VPS13B: variants seen among roughly 807,000 people sequenced by gnomAD.
VPS13B encodes vacuolar protein sorting 13 homolog B, also known as intermembrane lipid transfer protein VPS13B.
A neutral mutation model predicts 426.4 loss-of-function variants in VPS13B; 285 were observed. That is an observed-to-expected ratio of 0.67 (90% CI 0.61 to 0.74). VPS13B has a LOEUF of 0.74. Ranked by LOEUF, VPS13B falls within the 30% of genes least tolerant of loss-of-function variation. VPS13B has a pLI of 0.00. For missense variants in VPS13B, 4,537 were observed against 4,782.6 expected, an observed-to-expected ratio of 0.95 and a Z score of 1.51; for synonymous variants, 1,676 against 1,676.4, an observed-to-expected ratio of 1.00 and a Z score of 0.01.
At chr8:99,331,691 G>A (rs552033339) in intron 19 of VPS13B, among the ~76,000 whole-genome samples, 5 of 151,808 alleles carry the variant, frequency 3.3e-5, no homozygotes, top group South Asian at 4.2e-4. Context: ...TTCTTAGTAC[G>A]TTTTGACTTT....
chr8:99,119,851 G>A (rs948000004), intron 7 of VPS13B, among the ~76,000 whole-genome samples: 1 of 151,916 alleles, frequency 6.6e-6, no homozygotes, highest in African/African-American at 2.4e-5. Context: ...GAATATGCTG[G>A]AGACTAATTT....
At chr8:99,864,413 C>G (rs933801237) in intron 58 of VPS13B, among the ~76,000 whole-genome samples, 1 of 152,034 alleles carries the variant, frequency 6.6e-6, no homozygotes, top group Non-Finnish European at 1.5e-5. Flanking sequence ...CAAAAATTAG[C>G]CAGGCATGGT....
chr8:99,499,021 A>C (rs574452966), intron 25 of VPS13B, among the ~76,000 whole-genome samples: 1 of 152,168 alleles, frequency 6.6e-6, no homozygotes, highest in Non-Finnish European at 1.5e-5. Flanking sequence ...GAAGCAGGCC[A>C]AGGATGAAGG....
intron 36 of VPS13B, among the ~76,000 whole-genome samples, chr8:99,705,102 A>T (rs1438759677): frequency 6.6e-6 from 1 of 152,100 alleles, no homozygotes; most frequent in Non-Finnish European, 1.5e-5. Flanking sequence ...CTATTACTTT[A>T]TAACAAGGTT....
At chr8:99,181,264 GAA>G (rs1275652700) in intron 16 of VPS13B, among the ~76,000 whole-genome samples, 12 of 152,144 alleles carry the variant, frequency 7.9e-5, no homozygotes, top group Admixed American at 7.9e-4. Context: ...AATATCGAGT[GAA>G]AAAAGGTCAC....
intron 35 of VPS13B, among the ~76,000 whole-genome samples, chr8:99,676,023 G>T (rs1482868475): frequency 6.6e-6 from 1 of 151,860 alleles, no homozygotes; most frequent in African/African-American, 2.4e-5. Context: ...TATTCTTGTG[G>T]TCATGCATCA....
chr8:99,044,964 A>T (rs1397173704), intron 3 of VPS13B, among the ~76,000 whole-genome samples: 1 of 132,844 alleles, frequency 7.5e-6, no homozygotes, highest in Non-Finnish European at 1.6e-5. Context: ...TTGGTTCCAC[A>T]TTTTTGCAAT....
intron 17 of VPS13B, chr8:99,241,004 A>G (rs1006548780): frequency 6.6e-6 from 1 of 152,260 alleles, no homozygotes; most frequent in African/African-American, 2.4e-5. Context: ...TGCAGAGGAT[A>G]CAAAATTACC....
rs554160027 is a variant in VPS13B, at chr8:99,542,808, G to A, written c.4746-13642G>A. On this transcript the variant is annotated intron_variant, in intron 30 of 61. Transcript: ENST00000357162. The stretch of plus-strand genomic sequence containing the variant: ...TCCCTCAATTTTATTTGTAAAACAG[G>A]GATGATAATACTACCTACCTCATAG... Among the ~76,000 whole-genome samples, 11 of 152,158 alleles carry A rather than the reference G, an allele frequency of 7.2e-5. No homozygotes were observed. The South Asian group carries it at 2.3e-3, about 32-fold the overall frequency.
At chr8:99,095,362 T>TA (rs1846364655) in intron 3 of VPS13B, among the ~76,000 whole-genome samples, 2 of 152,196 alleles carry the variant, frequency 1.3e-5, no homozygotes, top group African/African-American at 4.8e-5. Flanking sequence ...ACGTGCTACA[T>TA]ACGTTGATAC....
At chr8:99,380,199 A>T (rs1168926189) in intron 19 of VPS13B, among the ~76,000 whole-genome samples, 1 of 152,170 alleles carries the variant, frequency 6.6e-6, no homozygotes, top group African/African-American at 2.4e-5. Context: ...AATTGTTTGA[A>T]AACTGGATAT....
chr8:99,312,573 C>A (rs952757869), intron 19 of VPS13B, among the ~76,000 whole-genome samples: 5 of 152,300 alleles, frequency 3.3e-5, no homozygotes, highest in South Asian at 2.1e-4. Flanking sequence ...TGTGGGTAAC[C>A]GGACCTTTCT....
At chr8:99,022,794 A>C (rs1841961284) in intron 2 of VPS13B, among the ~76,000 whole-genome samples, 1 of 152,052 alleles carries the variant, frequency 6.6e-6, no homozygotes, top group Non-Finnish European at 1.5e-5. Flanking sequence ...TTATGTTATT[A>C]AGTGTATACA....
chr8:99,268,996 T>C (rs1421893308), intron 17 of VPS13B, among the ~76,000 whole-genome samples: 1 of 152,060 alleles, frequency 6.6e-6, no homozygotes, highest in East Asian at 1.9e-4. Flanking sequence ...AAGGGGCTTT[T>C]CCCCCTTTGC....
intron 30 of VPS13B, among the ~76,000 whole-genome samples, chr8:99,535,837 T>C (rs1823181876): frequency 6.6e-6 from 1 of 152,210 alleles, no homozygotes; most frequent in African/African-American, 2.4e-5. Context: ...TATCAATGTT[T>C]ACATTGTGAA....
intron 29 of VPS13B, among the ~76,000 whole-genome samples, chr8:99,512,386 A>G (rs1241843839): frequency 6.6e-6 from 1 of 152,262 alleles, no homozygotes; most frequent in Non-Finnish European, 1.5e-5. Context: ...TTGCAAAGGT[A>G]ATGACCTTTA....
chr8:99,680,865 G>A lies in VPS13B; in HGVS notation c.6047-18660G>A, dbSNP rs144105525. On this transcript the variant is annotated intron_variant, in intron 35 of 61. Transcript: ENST00000357162. Reference sequence around the variant, plus strand: ...CATTATTCTTTATAGCTCCCCCTGTGTCTCTGTTGAATAAAACTGTCCTAG... The same window carrying A: ...CATTATTCTTTATAGCTCCCCCTGTATCTCTGTTGAATAAAACTGTCCTAG... Among the ~76,000 whole-genome samples the A allele has an allele frequency of 1.1e-3, 167 of 152,034 alleles. 2 individuals are homozygous for A. The highest frequency in any genetic ancestry group is 3.6e-3 in the African/African-American group (148 of 41,484).
chr8:99,047,120 A>G (rs896150124), intron 3 of VPS13B, among the ~76,000 whole-genome samples: 1 of 152,076 alleles, frequency 6.6e-6, no homozygotes, highest in South Asian at 2.1e-4. Context: ...CCCCCTTTGA[A>G]TGTCTGGTAG....
At chr8:99,489,817 GT>G (rs1221147368) in intron 25 of VPS13B, among the ~76,000 whole-genome samples, 3 of 152,164 alleles carry the variant, frequency 2.0e-5, no homozygotes, top group Admixed American at 2.0e-4. Context: ...AGACAATGGG[GT>G]TTTCTAAATA....
Sources: allele counts gnomAD v4.1 joint callset (sites outside exome capture counted in the v4.1 genomes callset), GRCh38; gene constraint gnomAD v4.1.1; transcripts MANE v1.5; gene names NCBI Gene and HGNC (gene_info 2026-07-23, HGNC 2026-07-21).